ABLIM1: variants seen among roughly 807,000 people sequenced by gnomAD.
ABLIM1 encodes actin-binding LIM protein 1.
In ABLIM1, 40 loss-of-function variants were observed where a neutral mutation model predicts 107.0. The ratio of observed to expected loss-of-function variants is 0.37; its 90% CI spans 0.29 to 0.49. ABLIM1 has a LOEUF of 0.49. Ranked by LOEUF, ABLIM1 falls within the 20% of genes least tolerant of loss-of-function variation. ABLIM1 has a pLI of 0.97. For synonymous variants in ABLIM1, 357 were observed against 357.3 expected (o/e 1.00, Z 0.01); for missense variants, 857 against 1,008.5 (o/e 0.85, Z 2.04).
intron 4 of ABLIM1, among the ~76,000 whole-genome samples, chr10:114,554,185 TC>T (rs2068433066): frequency 6.6e-6 from 1 of 152,098 alleles, no homozygotes; most frequent in African/African-American, 2.4e-5. Flanking sequence ...TAACACCTTG[TC>T]CCCTCAACTA....
intron 22 of ABLIM1, among the ~76,000 whole-genome samples, 168 bp from the exon 23 acceptor site, chr10:114,436,541 G>A (rs2059421326): frequency 6.6e-6 from 1 of 152,114 alleles, no homozygotes; most frequent in South Asian, 2.1e-4. Context: ...TTACCTGGTT[G>A]GGCCAGGTGA....
intron 1 of ABLIM1, among the ~76,000 whole-genome samples, chr10:114,722,524 G>A (rs112994663): frequency 0.022 from 3,324 of 152,326 alleles, 36 homozygotes; most frequent in Middle Eastern, 0.092. Context: ...TAAAATGCTA[G>A]AGATCCAAAC....
At chr10:114,487,887 C>T in intron 8 of ABLIM1, 71 bp downstream of exon 8, 1 of 1,565,356 alleles carries the variant, frequency 6.4e-7, no homozygotes, top group South Asian at 1.1e-5. Flanking sequence ...AAACCCTAGC[C>T]CCAAGAATTA....
At chr10:114,578,017 T>C (rs77479999) in intron 2 of ABLIM1, among the ~76,000 whole-genome samples, 2 of 152,290 alleles carry the variant, frequency 1.3e-5, no homozygotes, top group Non-Finnish European at 2.9e-5. Context: ...CTCCTCTGTC[T>C]ACTCCTTCTC....
chr10:114,690,186 G>A (rs2081043566), intron 1 of ABLIM1: 3 of 1,395,982 alleles, frequency 2.1e-6, no homozygotes, highest in East Asian at 4.6e-5. Flanking sequence ...TTTCTTGCTG[G>A]TCTTTCCATT....
At chr10:114,582,768 T>A (rs1013224504) in intron 2 of ABLIM1, among the ~76,000 whole-genome samples, 5 of 152,056 alleles carry the variant, frequency 3.3e-5, no homozygotes, top group African/African-American at 1.2e-4. Flanking sequence ...AGGAAAGGAC[T>A]CTCTATTCAA....
At chr10:114,687,818 A>C (rs1422925217), upstream of ABLIM1, among the ~76,000 whole-genome samples, 2 of 152,222 alleles carry the variant, frequency 1.3e-5, no homozygotes, top group African/African-American at 4.8e-5. Context: ...GGAAAGATAA[A>C]AACTAAATTT....
At chr10:114,496,995 C>T (rs2059750622) in intron 6 of ABLIM1, among the ~76,000 whole-genome samples, 1 of 152,220 alleles carries the variant, frequency 6.6e-6, no homozygotes, top group Non-Finnish European at 1.5e-5. Flanking sequence ...GAGCTGAACA[C>T]AGACGGCAGT....
intron 1 of ABLIM1, among the ~76,000 whole-genome samples, chr10:114,738,709 G>A (rs1414317011): frequency 2.6e-5 from 4 of 151,838 alleles, no homozygotes; most frequent in African/African-American, 9.7e-5. Context: ...CCTCAAAACC[G>A]AAACAAATAA....
chr10:114,467,632 A>T (rs1565412417), intron 11 of ABLIM1, among the ~76,000 whole-genome samples: 1 of 152,248 alleles, frequency 6.6e-6, no homozygotes, highest in Non-Finnish European at 1.5e-5. Flanking sequence ...AGAAATTAAT[A>T]ATTCATAGCA....
intron 1 of ABLIM1, among the ~76,000 whole-genome samples, chr10:114,667,883 A>G (rs1472731686): frequency 6.6e-6 from 1 of 152,166 alleles, no homozygotes; most frequent in African/African-American, 2.4e-5. Flanking sequence ...ACTTCTCTCC[A>G]GTGTGTTAGA....
At position 114,464,947 on chromosome 10, in the gene ABLIM1, C is replaced by G. The variant is rs546465541; in HGVS notation, c.1441+751G>C. On this transcript the variant is annotated intron_variant, in intron 12 of 22. Coordinates refer to ENST00000533213, the MANE Select transcript of ABLIM1 (RefSeq NM_002313.7). Reference sequence around the variant, plus strand: ...GGGAATCTTGGATCTGTACTGGGATCTCCATTCTTCTCCCACTACACACAG... The same window carrying G: ...GGGAATCTTGGATCTGTACTGGGATGTCCATTCTTCTCCCACTACACACAG... Among the ~76,000 whole-genome samples, 4 of 152,302 alleles carry G rather than the reference C, an allele frequency of 2.6e-5. No homozygotes were observed. The East Asian group carries it at 5.8e-4, about 22-fold the overall frequency.
intron 1 of ABLIM1, among the ~76,000 whole-genome samples, chr10:114,697,495 G>A (rs897563888): frequency 6.6e-6 from 1 of 152,354 alleles, no homozygotes; most frequent in East Asian, 1.9e-4. Context: ...CCGGGGCAGT[G>A]GCACCGTAAA....
intron 6 of ABLIM1, among the ~76,000 whole-genome samples, chr10:114,542,584 GAGGAGGA>G (rs2066831520): frequency 7.8e-6 from 1 of 128,572 alleles, no homozygotes; most frequent in Non-Finnish European, 1.7e-5. Flanking sequence ...GGACGAGGAG[GAGGAGGA>G]AGGAGGAAGA....
intron 1 of ABLIM1, among the ~76,000 whole-genome samples, chr10:114,755,530 C>T (rs972795926): frequency 6.6e-5 from 10 of 152,280 alleles, no homozygotes; most frequent in East Asian, 1.9e-4. Flanking sequence ...AAAGCTCTCC[C>T]GTTTGTGGAA....
chr10:114,676,686 T>G (rs1276443779), intron 1 of ABLIM1, among the ~76,000 whole-genome samples: 1 of 152,072 alleles, frequency 6.6e-6, no homozygotes, highest in African/African-American at 2.4e-5. Flanking sequence ...GAATGGAGAC[T>G]CCTAAGTCCT....
At chr10:114,460,355 C>T (rs1256786901) in intron 12 of ABLIM1, among the ~76,000 whole-genome samples, 1 of 152,170 alleles carries the variant, frequency 6.6e-6, no homozygotes, top group Non-Finnish European at 1.5e-5. Flanking sequence ...AATCCCAGCA[C>T]TTTGGGAGCC....
intron 1 of ABLIM1, among the ~76,000 whole-genome samples, chr10:114,762,554 AATCT>A (rs1468373527): frequency 6.6e-6 from 1 of 152,222 alleles, no homozygotes; most frequent in Non-Finnish European, 1.5e-5. Flanking sequence ...TTTTTCTCTC[AATCT>A]ATTAAAGCTG....
chr10:114,443,969 G>A lies in ABLIM1; in HGVS notation c.1933+60C>T, dbSNP rs2060619075. 27 of 1,363,236 alleles carry A rather than the reference G, an allele frequency of 2.0e-5. 1 individual carries two copies. The Admixed American group carries it at 3.7e-4, about 19-fold the overall frequency. The allele number at this position is 1,363,236 out of a possible 1,614,324, so 84.4% of individuals were successfully genotyped here. ...CACCACAAGTGAACAGTCAAGGCAG[G>A]TGCCTTACAAGCAGGTGGCTGGCTC... On this transcript the variant is annotated intron_variant, in intron 17 of 22. Coordinates refer to ENST00000533213, the MANE Select transcript of ABLIM1 (RefSeq NM_002313.7).
Sources: gnomAD v4.1 joint callset for allele counts (sites outside exome capture counted in the v4.1 genomes callset) on GRCh38, gnomAD v4.1.1 for gene constraint, MANE v1.5 for transcripts, NCBI Gene and HGNC (gene_info 2026-07-23, HGNC 2026-07-21) for gene names.